Variants in TRIO observed in about 807,000 individuals in gnomAD.
TRIO encodes triple functional domain protein.
A neutral mutation model predicts 351.9 loss-of-function variants in TRIO; 58 were observed. That is an observed-to-expected ratio of 0.16 (90% CI 0.13 to 0.21). The LOEUF is 0.21. TRIO is among the 10% of genes least tolerant of loss of function. The pLI, the probability that TRIO is intolerant of heterozygous loss-of-function variation, is 1.00. For synonymous variants in TRIO, 1,758 were observed against 1,595.7 expected (o/e 1.10, Z -2.42); for missense variants, 3,201 against 4,027.8 (o/e 0.79, Z 5.56).
intron 1 of TRIO, among the ~76,000 whole-genome samples, chr5:14,188,534 G>T (rs1369467908): frequency 6.6e-6 from 1 of 152,254 alleles, no homozygotes; most frequent in African/African-American, 2.4e-5. Context: ...AATTAGCCCC[G>T]TGGGTTTATT....
intron 51 of TRIO, 63 bp from the exon 52 acceptor site, chr5:14,498,024 CAT>C (rs1458667764): frequency 1.1e-5 from 17 of 1,611,468 alleles, no homozygotes; most frequent in African/African-American, 9.4e-5. Flanking sequence ...CTGTCGGGGA[CAT>C]GTGGGTGGGT....
intron 1 of TRIO, among the ~76,000 whole-genome samples, chr5:14,172,205 T>C (rs1396684444): frequency 2.0e-5 from 3 of 152,236 alleles, no homozygotes; most frequent in African/African-American, 7.2e-5. Flanking sequence ...GTGCATATTT[T>C]TGTTTTAATT....
intron 11 of TRIO, among the ~76,000 whole-genome samples, chr5:14,356,248 T>TA (rs1178542462): frequency 1.3e-5 from 2 of 152,236 alleles, no homozygotes; most frequent in Non-Finnish European, 2.9e-5. Context: ...ATGGAATTGA[T>TA]ACTAAGATTT....
At chr5:14,504,213 G>C (rs1425795518) in intron 54 of TRIO, among the ~76,000 whole-genome samples, 180 bp from the exon 55 acceptor site, 1 of 152,212 alleles carries the variant, frequency 6.6e-6, no homozygotes, top group Non-Finnish European at 1.5e-5. Context: ...TGGCTGCGGG[G>C]ACAAGGGCAG....
intron 1 of TRIO, among the ~76,000 whole-genome samples, chr5:14,265,147 C>G (rs879699079): frequency 3.4e-4 from 51 of 148,908 alleles, no homozygotes; most frequent in Non-Finnish European, 5.5e-4. Context: ...AACACTAACT[C>G]GGAATAGCTG....
At chr5:14,373,212 A>G (rs564044768) in intron 18 of TRIO, among the ~76,000 whole-genome samples, 8 of 152,230 alleles carry the variant, frequency 5.3e-5, no homozygotes, top group African/African-American at 1.9e-4. Context: ...TTACAATTCA[A>G]GATGACATTT....
intron 1 of TRIO, among the ~76,000 whole-genome samples, chr5:14,225,803 C>G (rs1398468007): frequency 7.0e-6 from 1 of 143,302 alleles, no homozygotes; most frequent in African/African-American, 2.6e-5. Flanking sequence ...CCCCCCCCCC[C>G]ACCTCCAAGC....
chr5:14,309,135 C>A (rs1738677422), intron 8 of TRIO, among the ~76,000 whole-genome samples: 1 of 126,958 alleles, frequency 7.9e-6, no homozygotes, highest in Non-Finnish European at 1.6e-5. Flanking sequence ...AAAATTACTG[C>A]TGTATCTATC....
intron 54 of TRIO, among the ~76,000 whole-genome samples, chr5:14,503,767 A>G (rs2126705771): frequency 6.6e-6 from 1 of 152,338 alleles, no homozygotes; most frequent in East Asian, 1.9e-4. Flanking sequence ...TTAACCACAC[A>G]GTCTGCCCGC....
intron 1 of TRIO, among the ~76,000 whole-genome samples, chr5:14,237,678 A>G (rs1793864043): frequency 6.6e-6 from 1 of 152,242 alleles, no homozygotes; most frequent in Admixed American, 6.5e-5. Context: ...AAAACCCTCT[A>G]CATTGATCAG....
Position 14,489,006 on chromosome 5 carries a change from G to A in TRIO, c.7632+746G>A, listed in dbSNP as rs776894120. 5.2e-6 allele frequency: 4 copies of A among 765,172 alleles called. No homozygotes were observed. The Admixed American group carries it at 6.8e-5, about 13-fold the overall frequency. The allele number at this position is 765,172 out of a possible 1,614,324, so 47.4% of individuals were successfully genotyped here. On this transcript the variant is annotated intron_variant, in intron 48 of 56. Coordinates refer to ENST00000344204, the MANE Select transcript of TRIO (RefSeq NM_007118.4). ...TCCCTCTGTTTCCTGCTTCCTCACT[G>A]TCCTACCCACCTGTTTCCTACAGGG...
intron 7 of TRIO, among the ~76,000 whole-genome samples, chr5:14,303,836 C>G (rs775624583): frequency 2.0e-5 from 3 of 152,196 alleles, no homozygotes; most frequent in Non-Finnish European, 2.9e-5. Context: ...TTAAGCCTTT[C>G]CTAAGATTCA....
At chr5:14,446,627 C>T (rs1752463198) in intron 34 of TRIO, among the ~76,000 whole-genome samples, 1 of 152,088 alleles carries the variant, frequency 6.6e-6, no homozygotes. Context: ...GGCGCTTTAC[C>T]TCCTCCAGTC....
chr5:14,336,150 C>G (rs1561356696), intron 10 of TRIO, among the ~76,000 whole-genome samples: 1 of 152,138 alleles, frequency 6.6e-6, no homozygotes, highest in Non-Finnish European at 1.5e-5. Flanking sequence ...AAGACATAGA[C>G]TGGAACTCTC....
chr5:14,498,134 CA>C lies in TRIO; in HGVS notation c.8094del (p.Glu2700ArgfsTer27). On this transcript the variant is annotated frameshift_variant, in exon 52 of 57. Transcript: ENST00000344204. LOFTEE classifies it high-confidence loss of function. ...CCATTGAGTGAGGTCACGTGTGAGACAGGGGAGACCGTTGTTCTTAGATGTC... is the reference window on the plus strand; with the variant it reads ...CCATTGAGTGAGGTCACGTGTGAGACGGGGAGACCGTTGTTCTTAGATGTC... ...VIPLSEVTCE[T>X]GETVVLRCRV... The C allele has an allele frequency of 6.2e-7, 1 of 1,614,190 alleles. No homozygotes were observed. The highest frequency in any genetic ancestry group is 8.5e-7 in the Non-Finnish European group (1 of 1,180,038).
chr5:14,482,698 C>G lies in TRIO; in HGVS notation c.6582C>G (p.Ile2194Met). 6.2e-7 allele frequency: 1 copy of G among 1,611,474 alleles called. No individual in the cohort carries two copies. The highest frequency in any genetic ancestry group is 1.3e-5 in the African/African-American group (1 of 74,962). Residue 2194 changes from isoleucine to methionine, a missense_variant, in exon 46 of 57, where the codon ATC (isoleucine) becomes ATG (methionine). By Grantham distance (10) the Ile-to-Met change is conservative. This residue lies in a region of TRIO where 1,089 missense variants were observed against 954.9 expected (regional missense o/e 1.14). Coordinates refer to ENST00000344204, the MANE Select transcript of TRIO (RefSeq NM_007118.4). ...GGCGCATCTTCCTCTTTGAGCAGAT[C>G]GTCATATTCAGCGAACCACTTGATA... is the stretch of plus-strand genomic sequence containing the variant. ...RERRIFLFEQ[I>M]VIFSEPLDKK...
At chr5:14,400,425 A>G (rs775818340) in intron 30 of TRIO, among the ~76,000 whole-genome samples, 7 of 152,156 alleles carry the variant, frequency 4.6e-5, no homozygotes, top group Non-Finnish European at 1.0e-4. Context: ...CTTTCTCTGC[A>G]TGCTTCCATG....
intron 2 of TRIO, among the ~76,000 whole-genome samples, chr5:14,279,539 G>A (rs1352062161): frequency 1.3e-5 from 2 of 152,156 alleles, no homozygotes; most frequent in East Asian, 3.8e-4. Context: ...CTATTTTCCT[G>A]ACAACCCCGA....
chr5:14,231,365 T>C (rs1793416456), intron 1 of TRIO, among the ~76,000 whole-genome samples: 1 of 152,254 alleles, frequency 6.6e-6, no homozygotes, highest in African/African-American at 2.4e-5. Flanking sequence ...TCAACAGATG[T>C]TGGCCACTCA....
Sources: gnomAD v4.1 joint callset for allele counts (sites outside exome capture counted in the v4.1 genomes callset) on GRCh38, gnomAD v4.1.1 for gene constraint, gnomAD v4.1.1 regional missense constraint, MANE v1.5 for transcripts, NCBI Gene and HGNC (gene_info 2026-07-23, HGNC 2026-07-21) for gene names.